MYOM2: variants seen among roughly 807,000 people sequenced by gnomAD.
The protein encoded by MYOM2 is myomesin 2, also known as myomesin-2.
MYOM2 carries 254 observed loss-of-function variants against 187.6 expected under a neutral mutation model. The observed-to-expected ratio is 1.35, with a 90% CI of 1.22 to 1.50. The LOEUF (loss-of-function observed/expected upper bound fraction) is 1.50. Ranked by LOEUF, MYOM2 falls within the 40% of genes most tolerant of loss-of-function variation. The pLI is 0.00. For missense variants in MYOM2, 2,796 were observed against 1,924.0 expected (o/e 1.45, Z -8.48); for synonymous variants, 981 against 753.8 (o/e 1.30, Z -4.94).
chr8:2,060,748 G>C (rs958339715), intron 6 of MYOM2, among the ~76,000 whole-genome samples: 2 of 34,414 alleles, frequency 5.8e-5, no homozygotes, highest in African/African-American at 2.2e-4. Flanking sequence ...TGCTCTGTTC[G>C]TTTGTTTGTT....
At chr8:2,103,877 A>G (rs1796804891) in intron 21 of MYOM2, among the ~76,000 whole-genome samples, 1 of 152,122 alleles carries the variant, frequency 6.6e-6, no homozygotes, top group Non-Finnish European at 1.5e-5. Context: ...ATATGGATAA[A>G]TGAGTGGGAG....
intron 17 of MYOM2, among the ~76,000 whole-genome samples, 153 bp downstream of exon 17, chr8:2,094,244 G>A (rs1282300773): frequency 6.6e-6 from 1 of 152,150 alleles, no homozygotes; most frequent in Non-Finnish European, 1.5e-5. Flanking sequence ...GAAGCCTCTC[G>A]GTTGGCTGCT....
At chr8:2,084,954 G>T (rs1026283238) in intron 13 of MYOM2, 9 of 339,952 alleles carry the variant, frequency 2.6e-5, no homozygotes, top group Non-Finnish European at 4.8e-5. Flanking sequence ...CCCATTTCGG[G>T]TGCAATGCCT....
rs1366953961 is a variant in MYOM2, at chr8:2,068,561, C to A, written c.654-717C>A. Among the ~76,000 whole-genome samples the A allele has an allele frequency of 2.7e-5, 4 of 150,272 alleles. No homozygotes were observed. In the East Asian group the frequency reaches 8.1e-4, roughly 30 times the overall value. On this transcript the variant is annotated intron_variant, in intron 6 of 36. Coordinates refer to ENST00000262113, the MANE Select transcript of MYOM2 (RefSeq NM_003970.4). ...ATGCCTGTGTGCACCAGGCGGAGAGCATCCCGGGGGACAGCTCTTCAATGC... is the reference window on the plus strand; with the variant it reads ...ATGCCTGTGTGCACCAGGCGGAGAGAATCCCGGGGGACAGCTCTTCAATGC...
At chr8:2,052,879 G>A (rs1563413037) in intron 3 of MYOM2, among the ~76,000 whole-genome samples, 1 of 152,220 alleles carries the variant, frequency 6.6e-6, no homozygotes, top group African/African-American at 2.4e-5. Flanking sequence ...TCTATAAATT[G>A]TCATGCTTTA....
Position 2,052,277 on chromosome 8 carries a change from G to C in MYOM2, c.227G>C (p.Ser76Thr). The C allele has an allele frequency of 6.2e-7, 1 of 1,608,288 alleles. No individual in the cohort carries two copies. The highest frequency in any genetic ancestry group is 8.5e-7 in the Non-Finnish European group (1 of 1,177,564). Residue 76 changes from serine to threonine, a missense_variant, in exon 3 of 37, where the codon AGC becomes ACC. Physicochemically the swap from Ser to Thr is moderately conservative, Grantham distance 58. Transcript: ENST00000262113. ...TGCAGGGTCTGTGCGAAGCGAGTGA[G>C]CACGCAGGAAGATGAGGAGCAGGAG... Reference protein sequence around the residue: ...TICRVCAKRVSTQEDEEQENR... With the variant: ...TICRVCAKRVTTQEDEEQENR...
At chr8:2,049,340 C>T (rs1818409332) in intron 1 of MYOM2, among the ~76,000 whole-genome samples, 1 of 152,140 alleles carries the variant, frequency 6.6e-6, no homozygotes, top group Admixed American at 6.5e-5. Flanking sequence ...GCCCTCGTGT[C>T]CTGTTTTCTT....
intron 8 of MYOM2, among the ~76,000 whole-genome samples, 159 bp from the exon 9 acceptor site, chr8:2,072,186 G>A (rs909390017): frequency 1.4e-4 from 21 of 152,092 alleles, no homozygotes; most frequent in African/African-American, 5.1e-4. Flanking sequence ...AGCCGAGGTC[G>A]CACCACTGCA....
At chr8:2,087,046 C>T (rs939006506) in intron 14 of MYOM2, among the ~76,000 whole-genome samples, 2 of 152,120 alleles carry the variant, frequency 1.3e-5, no homozygotes, top group Non-Finnish European at 2.9e-5. Flanking sequence ...ATGATAATCT[C>T]ACCCAGCACA....
chr8:2,124,416 T>A (rs1175100599), intron 31 of MYOM2, among the ~76,000 whole-genome samples, 199 bp downstream of exon 31: 1 of 152,206 alleles, frequency 6.6e-6, no homozygotes, highest in African/African-American at 2.4e-5. Context: ...TGTCTGGAGT[T>A]TGAGTTTTAC....
intron 31 of MYOM2, among the ~76,000 whole-genome samples, chr8:2,126,433 A>G (rs1271480698): frequency 1.3e-5 from 2 of 151,900 alleles, no homozygotes; most frequent in African/African-American, 4.8e-5. Context: ...ACATACACAC[A>G]CACTGACACA....
At chr8:2,074,629 A>G (rs1819351885) in intron 10 of MYOM2, among the ~76,000 whole-genome samples, 1 of 151,884 alleles carries the variant, frequency 6.6e-6, no homozygotes, top group African/African-American at 2.4e-5. Context: ...TAATTTTTAT[A>G]TTTTTAGTAG....
intron 9 of MYOM2, 81 bp downstream of exon 9, chr8:2,072,590 TG>T (rs1222559348): frequency 4.0e-6 from 6 of 1,487,092 alleles, no homozygotes; most frequent in Non-Finnish European, 5.4e-6. Context: ...GGTGTCAATG[TG>T]GCTTTTGTCT....
Position 2,142,362 on chromosome 8 carries a change from C to T in MYOM2, c.4002-13C>T, listed in dbSNP as rs773940348. The T allele has an allele frequency of 6.2e-6, 10 of 1,612,884 alleles. No individual in the cohort carries two copies. The African/African-American group carries it at 8.0e-5, about 13-fold the overall frequency. ...CTTTTCATTCTCTCCTTTCTGTCCC[C>T]TTTAACTTTTAGAGCTGCTGCTTTT... is the stretch of plus-strand genomic sequence containing the variant. On this transcript the variant is annotated splice_polypyrimidine_tract_variant and intron_variant, in intron 34 of 36. Transcript: ENST00000262113.
chr8:2,049,804 G>C (rs541628202), intron 1 of MYOM2, among the ~76,000 whole-genome samples: 2 of 152,274 alleles, frequency 1.3e-5, no homozygotes, highest in African/African-American at 4.8e-5. Context: ...TACGTGTTTT[G>C]GGTGAACATG....
intron 6 of MYOM2, among the ~76,000 whole-genome samples, chr8:2,068,664 G>A (rs762735156): frequency 9.2e-5 from 14 of 152,236 alleles, no homozygotes; most frequent in Non-Finnish European, 2.1e-4. Context: ...GGAGAGTGGA[G>A]CAAAGCTCAA....
chr8:2,136,304 T>C (rs566904763), intron 32 of MYOM2, among the ~76,000 whole-genome samples: 4 of 152,246 alleles, frequency 2.6e-5, no homozygotes, highest in African/African-American at 9.6e-5. Context: ...CTTGCATGCA[T>C]GCATGTGTTT....
chr8:2,116,758 G>T (rs937289454), intron 27 of MYOM2, among the ~76,000 whole-genome samples: 12 of 151,832 alleles, frequency 7.9e-5, no homozygotes, highest in Non-Finnish European at 1.6e-4. Flanking sequence ...TTTATTCAAA[G>T]AATTTTTTTT....
intron 28 of MYOM2, among the ~76,000 whole-genome samples, chr8:2,122,294 T>C (rs1285129358): frequency 6.6e-6 from 1 of 152,238 alleles, no homozygotes; most frequent in Non-Finnish European, 1.5e-5. Flanking sequence ...GACACTACTT[T>C]GCAGCTCAGT....
Sources: gnomAD v4.1 joint callset for allele counts (sites outside exome capture counted in the v4.1 genomes callset) on GRCh38, gnomAD v4.1.1 for gene constraint, MANE v1.5 for transcripts, NCBI Gene and HGNC (gene_info 2026-07-23, HGNC 2026-07-21) for gene names.